The following PRKG1 variants were observed in gnomAD, a reference collection of about 807,000 sequenced individuals.
PRKG1 encodes the protein protein kinase cGMP-dependent 1.
PRKG1 carries 35 observed loss-of-function variants against 88.1 expected under a neutral mutation model. That is an observed-to-expected ratio of 0.40 (90% CI 0.30 to 0.53). The LOEUF is 0.53. Among genes scored for constraint, PRKG1 ranks in the 20% least tolerant of loss-of-function variants. The probability of loss-of-function intolerance (pLI) is 0.59; values close to 1 mark genes in which losing one functional copy is unlikely to be tolerated. For synonymous variants in PRKG1, 303 were observed against 292.5 expected (o/e 1.04, Z -0.37); for missense variants, 540 against 839.8 (o/e 0.64, Z 4.41).
At chr10:51,146,584 A>G (rs1845953976) in intron 1 of PRKG1, among the ~76,000 whole-genome samples, 1 of 152,004 alleles carries the variant, frequency 6.6e-6, no homozygotes, top group South Asian at 2.1e-4. Context: ...ATTTTTTGAC[A>G]TAGTCCCATT....
At chr10:51,828,921 C>T (rs751118601) in intron 4 of PRKG1, among the ~76,000 whole-genome samples, 4 of 152,142 alleles carry the variant, frequency 2.6e-5, no homozygotes, top group Non-Finnish European at 4.4e-5. Context: ...CAAATTACAC[C>T]AAAACGTACT....
chr10:51,160,852 T>A (rs1445935706), intron 2 of PRKG1, among the ~76,000 whole-genome samples: 1 of 151,144 alleles, frequency 6.6e-6, no homozygotes, highest in Non-Finnish European at 1.5e-5. Flanking sequence ...AAAGAAATCC[T>A]CTTAACCAGT....
intron 2 of PRKG1, among the ~76,000 whole-genome samples, chr10:51,369,807 C>T (rs1181772307): frequency 6.6e-6 from 1 of 152,094 alleles, no homozygotes; most frequent in African/African-American, 2.4e-5. Flanking sequence ...CCCTATGCAC[C>T]TTATGCTCTA....
intron 3 of PRKG1, among the ~76,000 whole-genome samples, chr10:51,643,546 T>A (rs931604107): frequency 6.6e-6 from 1 of 152,196 alleles, no homozygotes; most frequent in African/African-American, 2.4e-5. Flanking sequence ...TTAAAGGAAG[T>A]AATATTTATA....
Position 50,991,158 on chromosome 10 carries a change from T to C in PRKG1, c.-221T>C. 1 of 571,352 alleles carries C rather than the reference T, an allele frequency of 1.8e-6. No individual in the cohort carries two copies. Among genetic ancestry groups the C allele is most frequent in the Middle Eastern group, 4.9e-4 (1 of 2,040 alleles). 35.4% of individuals were successfully genotyped at this position (571,352 alleles called of 1,614,324 possible). On this transcript the variant is annotated 5_prime_UTR_variant, in exon 1 of 18. Coordinates refer to the PRKG1 transcript ENST00000401604. This position sits in a 1 kb window ranked among gnomAD's most constrained non-coding sequence, Gnocchi z 4.5. ...CTCCTCTCCATCGCTTTTAGACTTC[T>C]CATCCTCCCCTCGGTGCTTTTAGTC...
At chr10:51,436,404 C>T (rs375912424) in intron 2 of PRKG1, among the ~76,000 whole-genome samples, 48 of 151,594 alleles carry the variant, frequency 3.2e-4, no homozygotes, top group African/African-American at 1.1e-3. Context: ...AGTTTTTTCT[C>T]GTCATCAACA....
At chr10:51,764,915 A>G (rs1156815654) in intron 3 of PRKG1, among the ~76,000 whole-genome samples, 2 of 152,176 alleles carry the variant, frequency 1.3e-5, no homozygotes, top group Non-Finnish European at 2.9e-5. Flanking sequence ...GGACACAGCA[A>G]GAAGGCATGT....
intron 2 of PRKG1, among the ~76,000 whole-genome samples, chr10:51,381,682 G>A (rs542248377): frequency 6.6e-6 from 1 of 152,252 alleles, no homozygotes; most frequent in East Asian, 1.9e-4. Flanking sequence ...TATGTAAACA[G>A]AAACCTGAAA....
At chr10:52,180,345 A>T (rs1448529315) in intron 9 of PRKG1, among the ~76,000 whole-genome samples, 4 of 152,156 alleles carry the variant, frequency 2.6e-5, no homozygotes, top group Non-Finnish European at 5.9e-5. Flanking sequence ...GTCTATCTGT[A>T]ATCTCTTATA....
At chr10:52,267,404 A>G (rs544793886) in intron 10 of PRKG1, among the ~76,000 whole-genome samples, 45 of 152,206 alleles carry the variant, frequency 3.0e-4, no homozygotes, top group Non-Finnish European at 4.9e-4. Context: ...GATTCAGACA[A>G]TAATAATAAA....
At chr10:52,068,563 G>T (rs952793437) in intron 7 of PRKG1, among the ~76,000 whole-genome samples, 1 of 152,154 alleles carries the variant, frequency 6.6e-6, no homozygotes, top group African/African-American at 2.4e-5. Flanking sequence ...GTTATTGGAG[G>T]AGGAATCAAA....
chr10:51,610,617 T>C (rs1403912007), intron 3 of PRKG1, among the ~76,000 whole-genome samples: 1 of 152,148 alleles, frequency 6.6e-6, no homozygotes, highest in Non-Finnish European at 1.5e-5. Flanking sequence ...AGCAAAGACA[T>C]GGAACCAACC....
chr10:51,356,732 C>T (rs1028393827), intron 2 of PRKG1, among the ~76,000 whole-genome samples: 3 of 151,984 alleles, frequency 2.0e-5, no homozygotes, highest in African/African-American at 7.2e-5. Flanking sequence ...CTGCTTTTTA[C>T]TATAAACTTT....
chr10:51,996,861 T>C (rs985109836), intron 5 of PRKG1, among the ~76,000 whole-genome samples: 1 of 152,106 alleles, frequency 6.6e-6, no homozygotes, highest in Non-Finnish European at 1.5e-5. Context: ...TAATTCATAA[T>C]AGCCAAGATA....
At chr10:51,044,157 ACACT>A (rs766262964) in intron 1 of PRKG1, among the ~76,000 whole-genome samples, 11 of 152,172 alleles carry the variant, frequency 7.2e-5, no homozygotes, top group Non-Finnish European at 1.3e-4. Context: ...GAAGACCAAC[ACACT>A]CACTCTTATA....
chr10:52,035,868 T>C (rs1564440514), intron 5 of PRKG1, among the ~76,000 whole-genome samples: 1 of 152,216 alleles, frequency 6.6e-6, no homozygotes. Flanking sequence ...ACATGAGGGC[T>C]AGGCTAAAAC....
chr10:51,652,400 G>A (rs376031385), intron 3 of PRKG1, among the ~76,000 whole-genome samples: 2 of 151,728 alleles, frequency 1.3e-5, no homozygotes, highest in African/African-American at 4.8e-5. Flanking sequence ...TCAAAGGTAG[G>A]GTTAACATCC....
chr10:51,138,440 C>A (rs1845738413), intron 1 of PRKG1, among the ~76,000 whole-genome samples: 1 of 152,056 alleles, frequency 6.6e-6, no homozygotes, highest in South Asian at 2.1e-4. Context: ...TTCACTATTG[C>A]CTGCCTTTCT....
At chr10:51,004,916 G>A (rs1204897724) in intron 1 of PRKG1, among the ~76,000 whole-genome samples, 1 of 151,738 alleles carries the variant, frequency 6.6e-6, no homozygotes, top group African/African-American at 2.4e-5. Context: ...CTCCCACTTG[G>A]GAAAATAACA....
Sources: allele counts gnomAD v4.1 joint callset (sites outside exome capture counted in the v4.1 genomes callset), GRCh38; gene constraint gnomAD v4.1.1; non-coding constraint Gnocchi (gnomAD v3.1); transcripts MANE v1.5; gene names NCBI Gene and HGNC (gene_info 2026-07-23, HGNC 2026-07-21).